Variants in UGT2B7 observed in about 807,000 individuals in gnomAD.
UGT2B7 encodes the protein UDP glucuronosyltransferase family 2 member B7, also known as UDP-glucuronosyltransferase 2B7.
In UGT2B7, 51 loss-of-function variants were observed where a neutral mutation model predicts 51.9. The observed-to-expected ratio is 0.98, with a 90% CI of 0.78 to 1.24. The LOEUF (loss-of-function observed/expected upper bound fraction) is 1.24. Among genes scored for constraint, UGT2B7 ranks in the 50% most tolerant of loss-of-function variants. The probability of loss-of-function intolerance (pLI) is 0.00; values close to 1 mark genes in which losing one functional copy is unlikely to be tolerated. For synonymous variants in UGT2B7, 225 were observed against 211.6 expected, an observed-to-expected ratio of 1.06 and a Z score of -0.55; for missense variants, 727 against 628.4, an observed-to-expected ratio of 1.16 and a Z score of -1.68.
chr4:69,098,580 C>T lies in UGT2B7; in HGVS notation c.762C>T (p.Asp254=), dbSNP rs762185740. ...TATCTGAGACAATGGGGAAAGCTGA[C>T]GTATGGCTTATTCGAAACTCCTGGA... ...TTLSETMGKA[D]VWLIRNSWNF... is the part of the protein sequence containing the mutation. Residue 254 remains aspartate, a synonymous_variant, in exon 2 of 6, where the codon GAC becomes GAT. Transcript: ENST00000305231. 7.9e-5 allele frequency: 127 copies of T among 1,611,418 alleles called. No individual in the cohort carries two copies. Among genetic ancestry groups the T allele is most frequent in the Non-Finnish European group, 9.7e-5 (114 of 1,178,834 alleles).
chr4:69,063,770 G>A (rs60814050), intron 1 of UGT2B7, among the ~76,000 whole-genome samples: 7 of 151,694 alleles, frequency 4.6e-5, no homozygotes, highest in Admixed American at 4.6e-4. Context: ...TTTTAAAACA[G>A]TAGGGGTAGT....
At chr4:69,076,133 T>C (rs565199202) in intron 1 of UGT2B7, among the ~76,000 whole-genome samples, 38 of 152,344 alleles carry the variant, frequency 2.5e-4, no homozygotes, top group African/African-American at 9.1e-4. Context: ...GTGTGCATAG[T>C]ATTCTATGAT....
At chr4:69,060,347 A>G (rs1398620962) in intron 1 of UGT2B7, among the ~76,000 whole-genome samples, 1 of 152,192 alleles carries the variant, frequency 6.6e-6, no homozygotes, top group Non-Finnish European at 1.5e-5. Flanking sequence ...CCCGGTGACA[A>G]GAGAGTTCCT....
intron 5 of UGT2B7, among the ~76,000 whole-genome samples, chr4:69,110,479 T>C (rs953338583): frequency 6.6e-6 from 1 of 152,070 alleles, no homozygotes; most frequent in Non-Finnish European, 1.5e-5. Flanking sequence ...AGAAGAATAT[T>C]TATGACAGAA....
intron 1 of UGT2B7, among the ~76,000 whole-genome samples, chr4:69,065,749 T>C (rs1415973726): frequency 6.6e-6 from 1 of 152,162 alleles, no homozygotes; most frequent in Non-Finnish European, 1.5e-5. Context: ...ATAAGTAAAC[T>C]CACTCCCATT....
At chr4:69,103,713 C>T (rs1719497941) in intron 3 of UGT2B7, among the ~76,000 whole-genome samples, 1 of 152,150 alleles carries the variant, frequency 6.6e-6, no homozygotes, top group Non-Finnish European at 1.5e-5. Flanking sequence ...ACTTGACTGA[C>T]TCTTGGGTCA....
Position 69,073,092 on chromosome 4 carries a change from G to A in UGT2B7, c.-158-16380G>A, listed in dbSNP as rs189377836. Among the ~76,000 whole-genome samples, 6 of 152,154 alleles carry A rather than the reference G, an allele frequency of 3.9e-5. No homozygotes were observed. In the East Asian group the frequency reaches 7.7e-4, roughly 20 times the overall value. ...ATATAATAAGAATTGACATACTAGC[G>A]GGTTGGATTTTTGATTTCAGTAGTA... On this transcript the variant is annotated intron_variant, in intron 1 of 5. Transcript: ENST00000502942.
intron 1 of UGT2B7, among the ~76,000 whole-genome samples, chr4:69,064,847 C>T (rs1345241635): frequency 6.6e-6 from 1 of 152,092 alleles, no homozygotes; most frequent in Non-Finnish European, 1.5e-5. Flanking sequence ...TAAAACAGCA[C>T]AAAGAGTGTT....
intron 1 of UGT2B7, among the ~76,000 whole-genome samples, chr4:69,074,445 T>TATATATATATATATATAA (rs761833298): frequency 6.1e-4 from 65 of 106,534 alleles, no homozygotes; most frequent in African/African-American, 2.1e-3. Flanking sequence ...TATATATATA[T>TATATATATATATATATAA]AAATTAAAAA....
chr4:69,085,274 G>T (rs1187837694), intron 1 of UGT2B7, among the ~76,000 whole-genome samples: 1 of 152,060 alleles, frequency 6.6e-6, no homozygotes, highest in Non-Finnish European at 1.5e-5. Flanking sequence ...TTTGAGAAGT[G>T]TCTGTTCATA....
chr4:69,051,722 C>T (rs1320681545), intron 1 of UGT2B7: 1 of 152,288 alleles, frequency 6.6e-6, no homozygotes, highest in African/African-American at 2.4e-5. Context: ...CTTGGTAGGA[C>T]TAGTCTTTTG....
intron 5 of UGT2B7, 124 bp from the exon 6 acceptor site, chr4:69,112,333 C>G (rs1163126555): frequency 3.7e-6 from 5 of 1,346,934 alleles, no homozygotes; most frequent in Non-Finnish European, 5.0e-6. Context: ...GAGTTCAGCT[C>G]TTGAGAGAGG....
In UGT2B7 at chr4:69,098,696, T is replaced by G; in HGVS notation, c.870+8T>G. The G allele has an allele frequency of 6.2e-7, 1 of 1,605,520 alleles. No individual in the cohort carries two copies. Among genetic ancestry groups the G allele is most frequent in the Non-Finnish European group, 8.5e-7 (1 of 1,177,520 alleles). Reference sequence around the variant, plus strand: ...GCCAAACCCCTGCCTAAGGTAAACATACTTTTGTTGGTTTTATTTTGTTGG... The same window carrying G: ...GCCAAACCCCTGCCTAAGGTAAACAGACTTTTGTTGGTTTTATTTTGTTGG... On this transcript the variant is annotated splice_region_variant and intron_variant, in intron 2 of 5. Transcript: ENST00000305231.
upstream of UGT2B7, among the ~76,000 whole-genome samples, chr4:69,093,436 ATCCTG>A (rs1396126541): frequency 6.6e-6 from 1 of 152,194 alleles, no homozygotes; most frequent in Non-Finnish European, 1.5e-5. Flanking sequence ...AGTGGATCTT[ATCCTG>A]TGAGGTGCTG....
chr4:69,062,907 CT>C (rs1489663223), intron 1 of UGT2B7, among the ~76,000 whole-genome samples: 1 of 152,142 alleles, frequency 6.6e-6, no homozygotes, highest in Admixed American at 6.5e-5. Context: ...AACCAACCCC[CT>C]AAATGCCTTT....
At chr4:69,059,343 C>G (rs7438033) in intron 1 of UGT2B7, among the ~76,000 whole-genome samples, 70,454 of 152,012 alleles carry the variant, frequency 0.46, 17,907 homozygotes, top group African/African-American at 0.67. Flanking sequence ...GAAGTCCAAC[C>G]TGAATTCTCA....
chr4:69,079,224 C>G (rs4694610), intron 1 of UGT2B7, among the ~76,000 whole-genome samples: 57,709 of 152,040 alleles, frequency 0.38, 11,465 homozygotes, highest in East Asian at 0.57. Context: ...GAAGCTGCAC[C>G]CTTCTGCTGC....
chr4:69,070,539 A>C (rs984403523), intron 1 of UGT2B7, among the ~76,000 whole-genome samples: 162 of 151,990 alleles, frequency 1.1e-3, no homozygotes, highest in African/African-American at 3.8e-3. Flanking sequence ...GTATGAACTG[A>C]GCTCAACTCC....
At chr4:69,106,988 T>A (rs1719619467) in intron 3 of UGT2B7, among the ~76,000 whole-genome samples, 187 bp from the exon 4 acceptor site, 1 of 152,140 alleles carries the variant, frequency 6.6e-6, no homozygotes, top group African/African-American at 2.4e-5. Flanking sequence ...AAAATCATGA[T>A]TTCCTTATAT....
Sources: gnomAD v4.1 joint callset for allele counts (sites outside exome capture counted in the v4.1 genomes callset) on GRCh38, gnomAD v4.1.1 for gene constraint, MANE v1.5 for transcripts, NCBI Gene and HGNC (gene_info 2026-07-23, HGNC 2026-07-21) for gene names.